The following MEGF6 variants were observed in gnomAD, a reference collection of about 807,000 sequenced individuals.
MEGF6 encodes the protein multiple epidermal growth factor-like domains protein 6.
Under a neutral mutation model 207.1 loss-of-function variants are expected in MEGF6, and 184 were observed. That is an observed-to-expected ratio of 0.89 (90% CI 0.79 to 1.00). MEGF6 has a LOEUF of 1.00. Among genes scored for constraint, MEGF6 ranks in the 50% least tolerant of loss-of-function variants. MEGF6 has a pLI of 0.00. For synonymous variants in MEGF6, 1,038 were observed against 910.0 expected, an observed-to-expected ratio of 1.14 and a Z score of -2.53; for missense variants, 2,282 against 2,202.9, an observed-to-expected ratio of 1.04 and a Z score of -0.72.
chr1:3,557,394 C>T (rs529735706), intron 4 of MEGF6, among the ~76,000 whole-genome samples: 35 of 152,332 alleles, frequency 2.3e-4, no homozygotes, highest in African/African-American at 7.5e-4. Flanking sequence ...GCTGCAGCTG[C>T]CCTTGGCTCC....
rs1344425738 is a variant in MEGF6, at chr1:3,512,137, G to T, written c.854-9C>A. 4 of 1,598,070 alleles carry T rather than the reference G, an allele frequency of 2.5e-6. No homozygotes were observed. Among genetic ancestry groups the T allele is most frequent in the Non-Finnish European group, 3.4e-6 (4 of 1,169,230 alleles). ...GGCACATTCGTCCACATCTGGAGGGGAGAGACCACAGGGAGGGCTCAGAGG... is the reference window on the plus strand; with the variant it reads ...GGCACATTCGTCCACATCTGGAGGGTAGAGACCACAGGGAGGGCTCAGAGG... On this transcript the variant is annotated splice_polypyrimidine_tract_variant and intron_variant, in intron 7 of 36. Coordinates refer to ENST00000356575, the MANE Select transcript of MEGF6 (RefSeq NM_001409.4).
intron 3 of MEGF6, among the ~76,000 whole-genome samples, chr1:3,587,562 G>A (rs1033324859): frequency 2.8e-4 from 42 of 152,320 alleles, no homozygotes; most frequent in African/African-American, 9.4e-4. Context: ...GCGTGCCTGC[G>A]GCTCTGACTA....
chr1:3,490,858 T>C, intron 36 of MEGF6, 54 bp downstream of exon 36: 1 of 1,547,400 alleles, frequency 6.5e-7, no homozygotes, highest in East Asian at 2.4e-5. Flanking sequence ...CTTCGTTGAC[T>C]TTGCCATAAC....
In MEGF6 at chr1:3,497,129, G is replaced by A; in HGVS notation, c.3482-10C>T. The A allele has an allele frequency of 1.3e-6, 2 of 1,571,520 alleles. No individual in the cohort carries two copies. Among genetic ancestry groups the A allele is most frequent in the South Asian group, 1.2e-5 (1 of 86,688 alleles). On this transcript the variant is annotated splice_polypyrimidine_tract_variant and intron_variant, in intron 27 of 36. Coordinates refer to ENST00000356575, the MANE Select transcript of MEGF6 (RefSeq NM_001409.4). ...CTGCCGGGTGGGCAGGCTGGGTGGA[G>A]ACAGGCAGGGTCGGTCCTGGCCCAG...
At chr1:3,554,499 A>G (rs1473401777) in intron 4 of MEGF6, among the ~76,000 whole-genome samples, 1 of 152,200 alleles carries the variant, frequency 6.6e-6, no homozygotes, top group African/African-American at 2.4e-5. Flanking sequence ...CAGCTGCTAC[A>G]GGAGGCAGCT....
At chr1:3,494,225 G>A in intron 32 of MEGF6, 101 bp from the exon 33 acceptor site, 1 of 1,474,680 alleles carries the variant, frequency 6.8e-7, no homozygotes, top group Admixed American at 2.5e-5. Flanking sequence ...CCCGAGAAAA[G>A]CCCCCTCCTG....
At chr1:3,586,010 TGTCCTGTGTGTGGGTGTGTGGAC>T (rs1269735275) in intron 3 of MEGF6, among the ~76,000 whole-genome samples, 5 of 145,856 alleles carry the variant, frequency 3.4e-5, no homozygotes, top group African/African-American at 5.3e-5. Context: ...TGTGGACACA[TGTCCTGTGTGTGGGTGTGTGGAC>T]GCATGTCCTG....
chr1:3,612,931 G>A (rs988296895), upstream of MEGF6, among the ~76,000 whole-genome samples: 2 of 152,176 alleles, frequency 1.3e-5, no homozygotes, highest in South Asian at 2.1e-4. Context: ...GGTCACAGGA[G>A]GGGGAGCACC....
At chr1:3,526,372 C>T (rs1001655099) in intron 4 of MEGF6, among the ~76,000 whole-genome samples, 3 of 151,910 alleles carry the variant, frequency 2.0e-5, no homozygotes, top group African/African-American at 7.3e-5. Flanking sequence ...GCAGTCCACG[C>T]CTGCTACTCA....
At position 3,501,264 on chromosome 1, in the gene MEGF6, G is replaced by A; in HGVS notation, c.2359C>T (p.Pro787Ser). The A allele has an allele frequency of 6.2e-7, 1 of 1,608,226 alleles. No homozygotes were observed. The highest frequency in any genetic ancestry group is 8.5e-7 in the Non-Finnish European group (1 of 1,178,092). The change falls in exon 19 of 37, where the codon CCA (proline) becomes TCA (serine). Residue 787 changes from proline to serine, a missense_variant. Coordinates refer to ENST00000356575, the MANE Select transcript of MEGF6 (RefSeq NM_001409.4). ...CAGCGGGCAGCGTGCTGGCATGCTG[G>A]GCAGATCTCCTGGCAGCCCAGCCCC... is the stretch of plus-strand genomic sequence containing the variant. ...RWGLGCQEIC[P>S]ACQHAARCDP...
rs1213548676 is a variant in MEGF6 at position 3,565,458 on chromosome 1, G to A, written c.481+14367C>T. 6.6e-6 allele frequency among the ~76,000 whole-genome samples: 1 copy of A among 152,194 alleles called. No individual in the cohort carries two copies. Among genetic ancestry groups the A allele is most frequent in the Admixed American group, 6.5e-5 (1 of 15,284 alleles). On this transcript the variant is annotated intron_variant, in intron 4 of 36. Coordinates refer to ENST00000356575, the MANE Select transcript of MEGF6 (RefSeq NM_001409.4). The surrounding 1 kb of genome is among the most constrained non-coding windows in gnomAD (Gnocchi z 4.8). ...TGAGCACGCGGCAAGAAGGGAGGTG[G>A]GGACCCCTTGATTGCAGGAGGCCCC...
At chr1:3,578,445 T>C (rs1194627733) in intron 4 of MEGF6, among the ~76,000 whole-genome samples, 1 of 151,264 alleles carries the variant, frequency 6.6e-6, no homozygotes, top group Non-Finnish European at 1.5e-5. Context: ...CAGGGATGGG[T>C]CACCTCTGAC....
intron 3 of MEGF6, among the ~76,000 whole-genome samples, 195 bp downstream of exon 3, chr1:3,595,139 CTCTT>C (rs1288314503): frequency 6.6e-6 from 1 of 152,258 alleles, no homozygotes; most frequent in Non-Finnish European, 1.5e-5. Flanking sequence ...CCCCAGCTCT[CTCTT>C]TCCGCAGCTC....
chr1:3,522,699 G>T (rs1641800438), intron 5 of MEGF6, among the ~76,000 whole-genome samples: 2 of 152,082 alleles, frequency 1.3e-5, no homozygotes, highest in Admixed American at 1.3e-4. Context: ...GCCTAGGAGA[G>T]TGAGTGTCCC....
Position 3,556,252 on chromosome 1 carries a change from T to C in MEGF6, c.481+23573A>G, listed in dbSNP as rs1643028192. ...GGGAGTGGGGCAGGGTCCCCATACA[T>C]AACCTAGAGCTCTGTGTGAGGCCCG... On this transcript the variant is annotated intron_variant, in intron 4 of 36. Transcript: ENST00000356575. This position sits in a 1 kb window ranked among gnomAD's most constrained non-coding sequence, Gnocchi z 4.4. Among the ~76,000 whole-genome samples the C allele has an allele frequency of 6.6e-6, 1 of 152,204 alleles. No individual in the cohort carries two copies. Among genetic ancestry groups the C allele is most frequent in the Non-Finnish European group, 1.5e-5 (1 of 68,036 alleles).
chr1:3,501,438 G>T lies in MEGF6; in HGVS notation c.2315-130C>A, dbSNP rs905635811. The T allele has an allele frequency of 5.9e-5, 80 of 1,356,660 alleles. No individual in the cohort carries two copies. In the East Asian group the frequency reaches 2.0e-3, roughly 34 times the overall value. The allele number at this position is 1,356,660 out of a possible 1,614,324, so 84.0% of individuals were successfully genotyped here. On this transcript the variant is annotated intron_variant, in intron 18 of 36. Coordinates refer to ENST00000356575, the MANE Select transcript of MEGF6 (RefSeq NM_001409.4). ...CACTGTTACCATCTCAGCCTGCCCCGGGGAGGGGAGAGGACCCGGGCACCT... is the reference window on the plus strand; with the variant it reads ...CACTGTTACCATCTCAGCCTGCCCCTGGGAGGGGAGAGGACCCGGGCACCT...
At position 3,497,034 on chromosome 1, in the gene MEGF6, C is replaced by A; in HGVS notation, c.3567G>T (p.Gly1189=). 6.4e-7 allele frequency: 1 copy of A among 1,553,420 alleles called. No individual in the cohort carries two copies. The highest frequency in any genetic ancestry group is 8.7e-7 in the Non-Finnish European group (1 of 1,149,002). Residue 1189 remains glycine, a synonymous_variant, in exon 28 of 37, where the codon GGG becomes GGT. Transcript: ENST00000356575. ...GGTAGCCAGCAGCACATGAGCAGGT[C>A]CCGGTGGCAGGGTGGCAGGCCGGGT... is the stretch of plus-strand genomic sequence containing the variant. ...GENPACHPAT[G]TCSCAAGYHG...
chr1:3,561,088 G>A (rs1240437696), intron 4 of MEGF6, among the ~76,000 whole-genome samples: 4 of 152,194 alleles, frequency 2.6e-5, no homozygotes, highest in Non-Finnish European at 5.9e-5. Context: ...AAGGGTAAAG[G>A]ACCCGCTGGC....
chr1:3,575,953 C>T lies in MEGF6; in HGVS notation c.481+3872G>A, dbSNP rs1005853222. 3.9e-5 allele frequency among the ~76,000 whole-genome samples: 6 copies of T among 152,246 alleles called. No individual in the cohort carries two copies. The South Asian group carries it at 8.3e-4, about 21-fold the overall frequency. On this transcript the variant is annotated intron_variant, in intron 4 of 36. Coordinates refer to ENST00000356575, the MANE Select transcript of MEGF6 (RefSeq NM_001409.4). ...CCAGGCCCACTCCGGGCCTCACCTA[C>T]GTGGACTCACGCAACCTGCACAAAA...
Sources: gnomAD v4.1 joint callset for allele counts (sites outside exome capture counted in the v4.1 genomes callset) on GRCh38, gnomAD v4.1.1 for gene constraint, Gnocchi (gnomAD v3.1) non-coding constraint, MANE v1.5 for transcripts, NCBI Gene and HGNC (gene_info 2026-07-23, HGNC 2026-07-21) for gene names.